The following FYN variants were observed in gnomAD, a reference collection of about 807,000 sequenced individuals.
The protein encoded by FYN is tyrosine-protein kinase Fyn.
A neutral mutation model predicts 70.2 loss-of-function variants in FYN; 10 were observed. That is an observed-to-expected ratio of 0.14 (90% CI 0.09 to 0.24). The LOEUF is 0.24. Ranked by LOEUF, FYN falls within the 10% of genes least tolerant of loss-of-function variation. The pLI is 1.00. For missense variants in FYN, 319 were observed against 673.1 expected (o/e 0.47, Z 5.82); for synonymous variants, 236 against 248.6 (o/e 0.95, Z 0.48).
At chr6:111,681,942 A>G (rs1324548374) in intron 12 of FYN, among the ~76,000 whole-genome samples, 1 of 152,098 alleles carries the variant, frequency 6.6e-6, no homozygotes, top group Non-Finnish European at 1.5e-5. Context: ...TAAACACTAT[A>G]CACTGTTCCA....
intron 12 of FYN, among the ~76,000 whole-genome samples, chr6:111,687,767 T>C (rs555415504): frequency 7.9e-5 from 12 of 152,350 alleles, no homozygotes; most frequent in Admixed American, 3.3e-4. Flanking sequence ...CCAACTGCTT[T>C]ATGGTTATTC....
At position 111,708,007 on chromosome 6, in the gene FYN, A is replaced by G. The variant is rs1431899285; in HGVS notation, c.358T>C (p.Trp120Arg). Residue 120 changes from tryptophan (W) to arginine (R), a missense_variant, in exon 6 of 14, where the codon TGG becomes CGG. By Grantham distance (101) the Trp-to-Arg change is moderately radical. Coordinates refer to ENST00000354650, the MANE Select transcript of FYN (RefSeq NM_002037.5). ...QILNSSEGDWWEARSLTTGET... is the reference protein window; with the variant it reads ...QILNSSEGDWREARSLTTGET... ...CCAGTTGTCAAGGAGCGGGCTTCCCACCAATCTCCTTCCCTGTAAATAAAA... is the reference window on the plus strand; with the variant it reads ...CCAGTTGTCAAGGAGCGGGCTTCCCGCCAATCTCCTTCCCTGTAAATAAAA... 1 of 1,613,314 alleles carries G rather than the reference A, an allele frequency of 6.2e-7. No individual in the cohort carries two copies. The highest frequency in any genetic ancestry group is 8.5e-7 in the Non-Finnish European group (1 of 1,179,276).
intron 2 of FYN, 30 bp downstream of exon 2, chr6:111,846,559 T>C (rs1358093373): frequency 7.5e-6 from 3 of 398,868 alleles, no homozygotes; most frequent in Non-Finnish European, 1.3e-5. Flanking sequence ...CACAAGGCAC[T>C]TGCTCTCAGT....
intron 3 of FYN, among the ~76,000 whole-genome samples, chr6:111,770,931 T>C (rs964411680): frequency 4.6e-5 from 7 of 152,152 alleles, no homozygotes; most frequent in Non-Finnish European, 8.8e-5. Context: ...GCATGAGATT[T>C]GGTGGGAACA....
chr6:111,802,978 A>T (rs1772036399), intron 2 of FYN, among the ~76,000 whole-genome samples: 1 of 152,252 alleles, frequency 6.6e-6, no homozygotes. Flanking sequence ...ATCTGGGACC[A>T]GAAGATGACC....
At chr6:111,821,207 G>A (rs1163106220) in intron 2 of FYN, among the ~76,000 whole-genome samples, 1 of 151,716 alleles carries the variant, frequency 6.6e-6, no homozygotes, top group African/African-American at 2.4e-5. Context: ...CAAAGCTGGA[G>A]GCATCACACT....
intron 2 of FYN, among the ~76,000 whole-genome samples, chr6:111,817,074 A>G (rs183929260): frequency 2.7e-5 from 4 of 148,304 alleles, no homozygotes; most frequent in Admixed American, 2.6e-4. Flanking sequence ...ATATTCAACA[A>G]CATAGAAAGG....
chr6:111,859,139 G>A (rs998727002), intron 1 of FYN, among the ~76,000 whole-genome samples: 1 of 152,052 alleles, frequency 6.6e-6, no homozygotes, highest in African/African-American at 2.4e-5. Context: ...TCACATCCCT[G>A]AGGCCTCAGA....
chr6:111,746,049 T>C (rs773234662), intron 3 of FYN, among the ~76,000 whole-genome samples: 3 of 152,228 alleles, frequency 2.0e-5, no homozygotes, highest in Non-Finnish European at 4.4e-5. Context: ...TACAAAAAGA[T>C]GGTGATAGTG....
chr6:111,837,908 CT>C (rs1042779742), intron 2 of FYN, among the ~76,000 whole-genome samples: 2 of 152,218 alleles, frequency 1.3e-5, no homozygotes, highest in African/African-American at 4.8e-5. Context: ...TTTATCCCTT[CT>C]GTTATCATCA....
At position 111,760,542 on chromosome 6, in the gene FYN, G is replaced by A. The variant is rs189012053; in HGVS notation, c.-12+20024C>T. ...ATGGCAAACCAGCTCCCCTGGCTGT[G>A]AGGTCACATGAAATAATAACGGAAC... On this transcript the variant is annotated intron_variant, in intron 3 of 13. Transcript: ENST00000354650. Among the ~76,000 whole-genome samples the A allele has an allele frequency of 2.8e-4, 42 of 152,316 alleles. 1 individual carries two copies. Among genetic ancestry groups the A allele is most frequent in the African/African-American group, 9.9e-4 (41 of 41,574 alleles).
chr6:111,872,931 C>G (rs971398886), intron 1 of FYN, 37 bp downstream of exon 1: 11 of 149,914 alleles, frequency 7.3e-5, no homozygotes, highest in Non-Finnish European at 1.5e-4. Context: ...GCAGCATCCC[C>G]GAGGCCTCCC....
chr6:111,846,344 C>T (rs1773527074), intron 2 of FYN, among the ~76,000 whole-genome samples: 1 of 152,092 alleles, frequency 6.6e-6, no homozygotes, highest in Non-Finnish European at 1.5e-5. Flanking sequence ...ACATATGTTC[C>T]CATAAATTAC....
chr6:111,690,180 A>C (rs1022607262), intron 12 of FYN, among the ~76,000 whole-genome samples: 3 of 152,128 alleles, frequency 2.0e-5, no homozygotes. Flanking sequence ...CACAGGAGAC[A>C]GGTGTGGTAT....
chr6:111,660,687 C>G lies in FYN; in HGVS notation c.*1052G>C, dbSNP rs938923915. ...TTTTACAATGGGAAATGTACAACCC[C>G]CACCCTCATTTCCCCCAGAAATTTT... is the stretch of plus-strand genomic sequence containing the variant. On this transcript the variant is annotated 3_prime_UTR_variant, in exon 14 of 14. Transcript: ENST00000354650. 6.6e-6 allele frequency: 1 copy of G among 152,166 alleles called. No individual in the cohort carries two copies. Among genetic ancestry groups the G allele is most frequent in the Non-Finnish European group, 1.5e-5 (1 of 68,044 alleles). 9.4% of individuals were successfully genotyped at this position (152,166 alleles called of 1,614,324 possible).
chr6:111,778,688 G>C (rs971948406), intron 3 of FYN, among the ~76,000 whole-genome samples: 1 of 151,714 alleles, frequency 6.6e-6, no homozygotes, highest in Non-Finnish European at 1.5e-5. Flanking sequence ...TAGAGATGGG[G>C]TTTTATCATG....
intron 13 of FYN, among the ~76,000 whole-genome samples, chr6:111,663,379 G>A (rs1484203111): frequency 6.6e-6 from 1 of 152,194 alleles, no homozygotes. Context: ...ACAGCCAGAG[G>A]CGCTGGGCCA....
chr6:111,814,154 G>A (rs1443094538), intron 2 of FYN: 3 of 152,198 alleles, frequency 2.0e-5, no homozygotes, highest in Non-Finnish European at 4.4e-5. Flanking sequence ...AAAAGCTACA[G>A]GGAAAAATCC....
intron 12 of FYN, among the ~76,000 whole-genome samples, chr6:111,688,422 A>G (rs1799131084): frequency 6.6e-6 from 1 of 152,236 alleles, no homozygotes; most frequent in African/African-American, 2.4e-5. Flanking sequence ...GAGAGACAGC[A>G]GGAGAGCATG....
Sources: allele counts gnomAD v4.1 joint callset (sites outside exome capture counted in the v4.1 genomes callset), GRCh38; gene constraint gnomAD v4.1.1; transcripts MANE v1.5; gene names NCBI Gene and HGNC (gene_info 2026-07-23, HGNC 2026-07-21).